ZNF717: variants seen among roughly 807,000 people sequenced by gnomAD.
ZNF717 encodes zinc finger protein 717, also known as krueppel-like factor X17.
In ZNF717, 9 loss-of-function variants were observed where a neutral mutation model predicts 13.8. The observed-to-expected ratio is 0.65, with a 90% CI of 0.39 to 1.14. The LOEUF is 1.14. Among genes scored for constraint, ZNF717 ranks in the 50% most tolerant of loss-of-function variants. The probability of loss-of-function intolerance (pLI) is 0.01; values close to 1 mark genes in which losing one functional copy is unlikely to be tolerated. For missense variants in ZNF717, 1,040 were observed against 1,080.7 expected, an observed-to-expected ratio of 0.96 and a Z score of 0.53; for synonymous variants, 327 against 364.1, an observed-to-expected ratio of 0.90 and a Z score of 1.16.
rs1322696977 is a variant in ZNF717, at chr3:75,755,954, C to G, written c.58-14218G>C. On this transcript the variant is annotated intron_variant, in intron 2 of 4. Transcript: ENST00000652011. ...AAAGACAGAGATTGTCAGAGTCTAT[C>G]AAAAGACAGACACATCTCGTTTCAC... Among the ~76,000 whole-genome samples, 4 of 152,234 alleles carry G rather than the reference C, an allele frequency of 2.6e-5. No homozygotes were observed. The East Asian group carries it at 7.7e-4, about 29-fold the overall frequency.
At chr3:75,709,897 G>T (rs1431299228) in exon 6 of ZNF717, 5 of 152,138 alleles carry the variant, frequency 3.3e-5, no homozygotes, top group African/African-American at 1.2e-4. Flanking sequence ...TGCTAGGATG[G>T]ACCTATTTTG....
intron 2 of ZNF717, among the ~76,000 whole-genome samples, chr3:75,763,066 G>A (rs78563298): frequency 6.6e-6 from 1 of 152,134 alleles, no homozygotes; most frequent in South Asian, 2.1e-4. Flanking sequence ...ACCTAAATGT[G>A]AAACTAGAAT....
intron 2 of ZNF717, among the ~76,000 whole-genome samples, chr3:75,746,018 C>T (rs1466726629): frequency 2.0e-5 from 3 of 152,090 alleles, no homozygotes; most frequent in African/African-American, 4.8e-5. Context: ...CGCTATCCCA[C>T]CCTGCTCCCC....
Position 75,738,669 on chromosome 3 carries a change from T to C in ZNF717, c.954A>G (p.Lys318=). ...TGAGGCTGGACTTATAGCTGAACAA[T>C]TTTTCACACCAGTTACAGGCATAAG... ...EKPYACNWCE[K]LFSYKSSLII... is the part of the protein sequence containing the mutation. Residue 318 remains lysine (K), a synonymous_variant, in exon 5 of 5, where the codon AAA becomes AAG. Coordinates refer to ENST00000652011, the MANE Select transcript of ZNF717 (RefSeq NM_001290208.3). 6.4e-7 allele frequency: 1 copy of C among 1,551,972 alleles called. No homozygotes were observed. Among genetic ancestry groups the C allele is most frequent in the South Asian group, 1.2e-5 (1 of 84,078 alleles).
chr3:75,728,593 T>C (rs1460247234), downstream of ZNF717, among the ~76,000 whole-genome samples: 1 of 132,178 alleles, frequency 7.6e-6, no homozygotes, highest in Non-Finnish European at 1.6e-5. Context: ...GCTGTTCTCA[T>C]GATAATGAGT....
chr3:75,777,681 T>C lies in ZNF717; in HGVS notation c.57+5625A>G, dbSNP rs562398116. On this transcript the variant is annotated intron_variant, in intron 2 of 4. Transcript: ENST00000652011. The stretch of plus-strand genomic sequence containing the variant: ...CGGAACCCAAAACAATGGGAGTGAC[T>C]TGCAAAAACCAGAACCCAAAATAAT... Among the ~76,000 whole-genome samples the C allele has an allele frequency of 6.7e-3, 784 of 117,596 alleles. 5 individuals carry two copies. Among genetic ancestry groups the C allele is most frequent in the African/African-American group, 0.025 (745 of 30,324 alleles). 77.1% of individuals were successfully genotyped at this position (117,596 alleles called of 152,430 possible). A position where few individuals can be genotyped will look rare whatever the true frequency, so the allele number is the denominator to read the frequency against.
intron 6 of ZNF717, among the ~76,000 whole-genome samples, chr3:75,704,240 C>T (rs1377075064): frequency 1.3e-5 from 2 of 152,360 alleles, no homozygotes; most frequent in African/African-American, 4.8e-5. Flanking sequence ...AATAAACTTG[C>T]TTCTTTCACT....
At chr3:75,778,392 C>T (rs1356148325) in intron 2 of ZNF717, among the ~76,000 whole-genome samples, 1 of 144,654 alleles carries the variant, frequency 6.9e-6, no homozygotes, top group Non-Finnish European at 1.5e-5. Context: ...CTGCTAAAAC[C>T]GGAACCCAAA....
chr3:75,765,035 A>ATGTGTGTGTGTG (rs150835839), intron 2 of ZNF717, among the ~76,000 whole-genome samples: 1 of 81,806 alleles, frequency 1.2e-5, no homozygotes, highest in East Asian at 3.4e-4. Context: ...ATATATGTAT[A>ATGTGTGTGTGTG]TGTGTGTGTG....
downstream of ZNF717, among the ~76,000 whole-genome samples, chr3:75,733,408 A>G (rs1348988459): frequency 6.6e-6 from 1 of 152,242 alleles, no homozygotes; most frequent in African/African-American, 2.4e-5. Flanking sequence ...ATTATTCTCC[A>G]ACTGTATAAA....
At chr3:75,783,874 A>T (rs947056022) in intron 1 of ZNF717, among the ~76,000 whole-genome samples, 1 of 152,164 alleles carries the variant, frequency 6.6e-6, no homozygotes, top group Admixed American at 6.5e-5. Flanking sequence ...TTTTTTTTAA[A>T]TGTACATAAT....
intron 4 of ZNF717, among the ~76,000 whole-genome samples, chr3:75,718,491 C>T (rs944840776): frequency 2.0e-5 from 3 of 152,070 alleles, no homozygotes; most frequent in Admixed American, 2.0e-4. Context: ...CACAGCCTGT[C>T]CACACCTAAT....
chr3:75,711,632 TA>T (rs989126375), intron 5 of ZNF717, among the ~76,000 whole-genome samples: 12 of 151,724 alleles, frequency 7.9e-5, no homozygotes, highest in African/African-American at 2.4e-4. Flanking sequence ...CCCATCTCTA[TA>T]AAAAAAATAC....
chr3:75,734,795 T>TTATATATATATATATATA (rs1295066161), downstream of ZNF717, among the ~76,000 whole-genome samples: 1 of 85,410 alleles, frequency 1.2e-5, no homozygotes, highest in African/African-American at 4.8e-5. Flanking sequence ...ATGTATGCAA[T>TTATATATATATATATATA]TATATATATA....
chr3:75,727,891 A>C (rs1450013054), downstream of ZNF717, among the ~76,000 whole-genome samples: 1 of 152,240 alleles, frequency 6.6e-6, no homozygotes, highest in Non-Finnish European at 1.5e-5. Flanking sequence ...TAGTCCTACC[A>C]ATGTGATGGC....
intron 2 of ZNF717, among the ~76,000 whole-genome samples, chr3:75,780,130 C>A (rs192195305): frequency 6.8e-6 from 1 of 146,090 alleles, no homozygotes; most frequent in Admixed American, 6.8e-5. Flanking sequence ...ATGGGAGTGA[C>A]GTGCTAAAAC....
chr3:75,712,841 T>C (rs1309109641), intron 5 of ZNF717, among the ~76,000 whole-genome samples: 1 of 152,172 alleles, frequency 6.6e-6, no homozygotes, highest in Non-Finnish European at 1.5e-5. Flanking sequence ...CCAAATTATA[T>C]AAAATTATTA....
Position 75,738,191 on chromosome 3 carries a change from GT to G in ZNF717, c.1431del (p.Lys477AsnfsTer102). On this transcript the variant is annotated frameshift_variant, in exon 5 of 5. Coordinates refer to ENST00000652011, the MANE Select transcript of ZNF717 (RefSeq NM_001290208.3). LOFTEE classifies it low-confidence loss of function (END_TRUNC). Reference sequence around the variant, plus strand: ...TTCCCACATTCATTGCATTCATAGGGTTTTTCCCCTGTGTGAGTTCTCTGAT... The same window carrying G: ...TTCCCACATTCATTGCATTCATAGGGTTTTCCCCTGTGTGAGTTCTCTGAT... Reference protein sequence around the residue: ...RLHQRTHTGEKPYECNECGKT... With the variant: ...RLHQRTHTGEXPYECNECGKT... The G allele has an allele frequency of 1.3e-6, 2 of 1,574,098 alleles. No homozygotes were observed. The highest frequency in any genetic ancestry group is 1.8e-5 in the Admixed American group (1 of 54,752).
downstream of ZNF717, among the ~76,000 whole-genome samples, chr3:75,732,374 CA>C (rs1180742732): frequency 6.6e-6 from 1 of 152,244 alleles, no homozygotes; most frequent in African/African-American, 2.4e-5. Context: ...CAATGAGGCC[CA>C]GTCGTAAGAC....
Sources: allele counts gnomAD v4.1 joint callset (sites outside exome capture counted in the v4.1 genomes callset), GRCh38; gene constraint gnomAD v4.1.1; transcripts MANE v1.5; gene names NCBI Gene and HGNC (gene_info 2026-07-23, HGNC 2026-07-21).